The following SOX5 variants were observed in gnomAD, a reference collection of about 807,000 sequenced individuals.
SOX5 encodes transcription factor SOX-5.
Under a neutral mutation model 92.0 loss-of-function variants are expected in SOX5, and 9 were observed. The observed-to-expected ratio is 0.10, with a 90% CI of 0.06 to 0.17. The LOEUF (loss-of-function observed/expected upper bound fraction) is 0.17. SOX5 is among the 10% of genes least tolerant of loss of function. The pLI is 1.00. For synonymous variants in SOX5, 344 were observed against 336.3 expected (o/e 1.02, Z -0.25); for missense variants, 642 against 944.5 (o/e 0.68, Z 4.20).
At chr12:23,771,187 C>CAAAAAAAAA (rs376988688) in intron 3 of SOX5, among the ~76,000 whole-genome samples, 6 of 108,592 alleles carry the variant, frequency 5.5e-5, no homozygotes, top group Non-Finnish European at 7.2e-5. Flanking sequence ...AAAAATGGAG[C>CAAAAAAAAA]AAAAAAAAAA....
At chr12:24,171,432 C>A (rs1207918467) in intron 4 of SOX5, among the ~76,000 whole-genome samples, 2 of 151,800 alleles carry the variant, frequency 1.3e-5, no homozygotes, top group African/African-American at 2.4e-5. Flanking sequence ...ACCATGTTAG[C>A]CAGGATGGTC....
intron 6 of SOX5, among the ~76,000 whole-genome samples, chr12:23,714,708 T>C (rs1218657375): frequency 6.6e-6 from 1 of 152,192 alleles, no homozygotes; most frequent in Non-Finnish European, 1.5e-5. Flanking sequence ...TGCTTTGAGA[T>C]AACTTGATTT....
At chr12:23,841,381 T>C (rs1420536133) in intron 3 of SOX5, among the ~76,000 whole-genome samples, 1 of 152,104 alleles carries the variant, frequency 6.6e-6, no homozygotes, top group Non-Finnish European at 1.5e-5. Flanking sequence ...ATAGCCACTT[T>C]GGAAGATAGT....
chr12:23,564,885 G>A (rs1337249382), intron 10 of SOX5, among the ~76,000 whole-genome samples: 5 of 152,150 alleles, frequency 3.3e-5, no homozygotes, highest in African/African-American at 1.2e-4. Flanking sequence ...CTGCTTAAAC[G>A]TTTCTATTGA....
intron 1 of SOX5, among the ~76,000 whole-genome samples, chr12:24,513,922 C>T (rs1378691123): frequency 1.3e-5 from 2 of 152,188 alleles, no homozygotes; most frequent in East Asian, 3.9e-4. Flanking sequence ...CTTTCCACTG[C>T]TAGACAGCTC....
intron 4 of SOX5, among the ~76,000 whole-genome samples, chr12:23,970,654 T>C (rs746281221): frequency 6.6e-6 from 1 of 150,808 alleles, no homozygotes; most frequent in Admixed American, 6.6e-5. Context: ...TTCTGTTTTA[T>C]GAATATACCA....
intron 7 of SOX5, among the ~76,000 whole-genome samples, chr12:23,649,393 AT>A: frequency 6.6e-6 from 1 of 152,246 alleles, no homozygotes; most frequent in East Asian, 1.9e-4. Flanking sequence ...ACCTCATGAG[AT>A]TCATACTTAG....
At position 23,534,514 on chromosome 12, in the gene SOX5, G is replaced by A; in HGVS notation, c.1997C>T (p.Ala666Val). The A allele has an allele frequency of 6.2e-7, 1 of 1,608,562 alleles. No individual in the cohort carries two copies. Among genetic ancestry groups the A allele is most frequent in the Non-Finnish European group, 8.5e-7 (1 of 1,176,740 alleles). The change falls in exon 15 of 15, where the codon GCA becomes GTA. Residue 666 changes from alanine to valine, a missense_variant. Around this residue, in one of 8 missense-constraint regions of SOX5, gnomAD observed 130 missense variants for 140.6 expected, o/e 0.92. Coordinates refer to ENST00000451604, the MANE Select transcript of SOX5 (RefSeq NM_006940.6). Reference protein sequence around the residue: ...MRQYFNVGQQAQIPIATAGVV... With the variant: ...MRQYFNVGQQVQIPIATAGVV... ...ACCAGCAGTGGCAATGGGGATCTGT[G>A]CTTGTTGCCTGTCAAGAAAGGAATT...
At chr12:24,402,638 G>A (rs1176605591) in intron 1 of SOX5, among the ~76,000 whole-genome samples, 2 of 152,162 alleles carry the variant, frequency 1.3e-5, no homozygotes, top group Admixed American at 6.5e-5. Context: ...AATGCAAAAT[G>A]TATGTGGGCA....
At chr12:23,825,079 C>T (rs1195654270) in intron 3 of SOX5, among the ~76,000 whole-genome samples, 3 of 152,122 alleles carry the variant, frequency 2.0e-5, no homozygotes, top group African/African-American at 4.8e-5. Flanking sequence ...TAGCTTCAGC[C>T]CCCTTTCCAG....
intron 1 of SOX5, among the ~76,000 whole-genome samples, chr12:24,544,829 G>A (rs565365683): frequency 2.0e-5 from 3 of 152,236 alleles, no homozygotes; most frequent in Non-Finnish European, 4.4e-5. Context: ...CATAACTTAT[G>A]CTTTAGAAAT....
At chr12:24,216,288 C>G (rs987532808) in intron 3 of SOX5, among the ~76,000 whole-genome samples, 1 of 151,230 alleles carries the variant, frequency 6.6e-6, no homozygotes, top group Non-Finnish European at 1.5e-5. Flanking sequence ...TCAAGACCAT[C>G]CTGGCTAACA....
At chr12:24,191,785 C>G (rs1335913353) in intron 4 of SOX5, among the ~76,000 whole-genome samples, 1 of 152,082 alleles carries the variant, frequency 6.6e-6, no homozygotes, top group Non-Finnish European at 1.5e-5. Context: ...TTTGTTTAGC[C>G]TGTGTGTCCT....
rs1302449822 is a variant in SOX5 at position 24,469,772 on chromosome 12, A to T, written c.-251+92557T>A. On this transcript the variant is annotated intron_variant, in intron 1 of 4. Coordinates refer to the SOX5 transcript ENST00000446891. ...TTACCATACTGGGTATCCACAGGGG[A>T]GGATGAATGCTGCATACCAAAAACC... is the stretch of plus-strand genomic sequence containing the variant. Among the ~76,000 whole-genome samples, 3 of 152,178 alleles carry T rather than the reference A, an allele frequency of 2.0e-5. No individual in the cohort carries two copies. In the East Asian group the frequency reaches 5.8e-4, roughly 29 times the overall value.
intron 4 of SOX5, among the ~76,000 whole-genome samples, chr12:24,004,907 C>T (rs889059996): frequency 6.6e-6 from 1 of 151,896 alleles, no homozygotes; most frequent in Admixed American, 6.6e-5. Flanking sequence ...AATGTTTATC[C>T]ATTAATAAAA....
intron 9 of SOX5, among the ~76,000 whole-genome samples, chr12:23,577,473 A>G (rs957275205): frequency 9.2e-5 from 14 of 152,134 alleles, no homozygotes; most frequent in African/African-American, 2.6e-4. Flanking sequence ...TGCTGGGATT[A>G]CAGGCATGAG....
At chr12:24,297,683 G>C (rs903296988) in intron 2 of SOX5, among the ~76,000 whole-genome samples, 2 of 152,124 alleles carry the variant, frequency 1.3e-5, no homozygotes, top group African/African-American at 4.8e-5. Context: ...AGAACTTCAG[G>C]AACTACTGCA....
intron 3 of SOX5, chr12:24,227,107 G>C (rs1286399435): frequency 6.6e-6 from 1 of 152,224 alleles, no homozygotes; most frequent in Non-Finnish European, 1.5e-5. Flanking sequence ...TTTGTGGCTT[G>C]AGGCTGCTGT....
chr12:23,807,781 G>T lies in SOX5; in HGVS notation c.481+38202C>A, dbSNP rs1311052984. ...CTCAGCCTCAGCATCCTGAGTAGCT[G>T]GGATTACAGGTGCCCACCACCATGC... On this transcript the variant is annotated intron_variant, in intron 3 of 14. Coordinates refer to ENST00000451604, the MANE Select transcript of SOX5 (RefSeq NM_006940.6). Among the ~76,000 whole-genome samples, 5 of 151,870 alleles carry T rather than the reference G, an allele frequency of 3.3e-5. No individual in the cohort carries two copies. In the East Asian group the frequency reaches 7.8e-4, roughly 24 times the overall value.
Sources: allele counts gnomAD v4.1 joint callset (sites outside exome capture counted in the v4.1 genomes callset), GRCh38; gene constraint gnomAD v4.1.1; regional missense constraint gnomAD v4.1.1; transcripts MANE v1.5; gene names NCBI Gene and HGNC (gene_info 2026-07-23, HGNC 2026-07-21).